The following ONECUT1 variants were observed in gnomAD, a reference collection of about 807,000 sequenced individuals.
The protein encoded by ONECUT1 is one cut homeobox 1.
Under a neutral mutation model 25.6 loss-of-function variants are expected in ONECUT1, and 12 were observed. The observed-to-expected ratio is 0.47, with a 90% confidence interval of 0.30 to 0.76. ONECUT1 has a LOEUF of 0.76. ONECUT1 is among the 30% of genes least tolerant of loss of function. ONECUT1 has a pLI of 0.07. For missense variants in ONECUT1, 620 were observed against 651.2 expected (o/e 0.95, Z 0.52); for synonymous variants, 285 against 270.2 (o/e 1.05, Z -0.54).
intron 1 of ONECUT1, among the ~76,000 whole-genome samples, chr15:52,770,998 G>GTTC (rs1439672274): frequency 6.6e-6 from 1 of 152,098 alleles, no homozygotes; most frequent in African/African-American, 2.4e-5. Context: ...TGGAACAACT[G>GTTC]TTCTGAAAGA....
chr15:52,771,317 G>A (rs1184810241), intron 1 of ONECUT1, among the ~76,000 whole-genome samples: 2 of 151,882 alleles, frequency 1.3e-5, no homozygotes, highest in Non-Finnish European at 1.5e-5. Flanking sequence ...TAGCCATTAA[G>A]AATGATGATG....
At position 52,785,037 on chromosome 15, in the gene ONECUT1, C is replaced by T. The variant is rs150708904; in HGVS notation, c.1105+3743G>A. Among the ~76,000 whole-genome samples, 408 of 152,332 alleles carry T rather than the reference C, an allele frequency of 2.7e-3. 3 individuals carry two copies. The highest frequency in any genetic ancestry group is 9.1e-3 in the African/African-American group (377 of 41,590). On this transcript the variant is annotated intron_variant, in intron 1 of 1. Transcript: ENST00000305901. ...GAAACCGCTGCGCTTGACTCCTTCTCCCCCAACTCTTGGACCCAGGAACGC... is the reference window on the plus strand; with the variant it reads ...GAAACCGCTGCGCTTGACTCCTTCTTCCCCAACTCTTGGACCCAGGAACGC...
At chr15:52,786,635 G>A (rs1228444366) in intron 1 of ONECUT1, among the ~76,000 whole-genome samples, 1 of 152,264 alleles carries the variant, frequency 6.6e-6, no homozygotes, top group Non-Finnish European at 1.5e-5. Context: ...CCAGCACTCA[G>A]GCTCCCTCCC....
At chr15:52,759,413 G>A (rs1262007148) in intron 1 of ONECUT1, among the ~76,000 whole-genome samples, 1 of 152,182 alleles carries the variant, frequency 6.6e-6, no homozygotes, top group African/African-American at 2.4e-5. Flanking sequence ...CAGCTGCAGA[G>A]CTCATAGGAT....
chr15:52,782,379 C>T (rs911664029), intron 1 of ONECUT1, among the ~76,000 whole-genome samples: 6 of 152,094 alleles, frequency 3.9e-5, no homozygotes, highest in South Asian at 2.1e-4. Flanking sequence ...AATTAAACTT[C>T]GTTAGTATTA....
chr15:52,769,229 A>G (rs1267851273), intron 1 of ONECUT1, among the ~76,000 whole-genome samples: 2 of 152,174 alleles, frequency 1.3e-5, no homozygotes, highest in African/African-American at 4.8e-5. Flanking sequence ...TCCCCACAGT[A>G]TAATTAGTTA....
chr15:52,772,782 C>T lies in ONECUT1; in HGVS notation c.1106-14935G>A, dbSNP rs576129832. ...TTTTGTTTTAATTTCTGCAGCTCCA[C>T]ACCCATGCTGTGACAGGAACCCTAT... On this transcript the variant is annotated intron_variant, in intron 1 of 1. Transcript: ENST00000305901. Among the ~76,000 whole-genome samples the T allele has an allele frequency of 5.9e-5, 9 of 152,326 alleles. No individual in the cohort carries two copies. In the East Asian group the frequency reaches 1.7e-3, roughly 29 times the overall value.
Position 52,789,832 on chromosome 15 carries a change from T to A in ONECUT1, c.53A>T (p.His18Leu), listed in dbSNP as rs1310287726. 6.5e-7 allele frequency: 1 copy of A among 1,540,952 alleles called. No homozygotes were observed. Among genetic ancestry groups the A allele is most frequent in the Non-Finnish European group, 8.7e-7 (1 of 1,155,294 alleles). ...EAIGELHGVSHEPVPAPADLL... is the reference protein window; with the variant it reads ...EAIGELHGVSLEPVPAPADLL... The stretch of plus-strand genomic sequence containing the variant: ...GTCGGCAGGGGCGGGCACCGGCTCA[T>A]GGCTCACCCCGTGCAGCTCGCCGAT... Residue 18 changes from histidine (H) to leucine (L), a missense_variant, in exon 1 of 2, where the codon CAT becomes CTT. By Grantham distance (99) the His-to-Leu change is moderately conservative. This residue lies in a region of ONECUT1 where 440 missense variants were observed against 404.9 expected (regional missense o/e 1.09). Coordinates refer to ENST00000305901, the MANE Select transcript of ONECUT1 (RefSeq NM_004498.4). The surrounding 1 kb of genome is among the most constrained non-coding windows in gnomAD (Gnocchi z 4.1).
At position 52,757,863 on chromosome 15, in the gene ONECUT1, G is replaced by T. The variant is rs555602889; in HGVS notation, c.1106-16C>A. On this transcript the variant is annotated splice_polypyrimidine_tract_variant and intron_variant, in intron 1 of 1. Transcript: ENST00000305901. The stretch of plus-strand genomic sequence containing the variant: ...CTTTTGCATGCTGTGAAGAAACACA[G>T]AAGATGTTAGAACAAATGGTCTAGG... The T allele has an allele frequency of 2.6e-5, 41 of 1,607,832 alleles. 1 individual carries two copies. The African/African-American group carries it at 5.4e-4, about 21-fold the overall frequency.
At position 52,789,231 on chromosome 15, in the gene ONECUT1, G is replaced by A. The variant is rs2083899214; in HGVS notation, c.654C>T (p.Phe218=). The change falls in exon 1 of 2, where the codon TTC becomes TTT. Residue 218 remains phenylalanine, a synonymous_variant. Transcript: ENST00000305901. This position sits in a 1 kb window ranked among gnomAD's most constrained non-coding sequence, Gnocchi z 4.1. Reference sequence around the variant, plus strand: ...CGAGCATGGCCGGGTGGTGGGCTTCGAAGCCGTTGGGGGTGAGCATCTTGT... The same window carrying A: ...CGAGCATGGCCGGGTGGTGGGCTTCAAAGCCGTTGGGGGTGAGCATCTTGT... The part of the protein sequence containing the change: ...PTDKMLTPNG[F]EAHHPAMLGR... The A allele has an allele frequency of 1.3e-6, 2 of 1,557,936 alleles. No individual in the cohort carries two copies. The highest frequency in any genetic ancestry group is 1.7e-6 in the Non-Finnish European group (2 of 1,153,978).
chr15:52,757,714 T>A lies in ONECUT1; in HGVS notation c.1239A>T (p.Glu413Asp). ...GCTGCTGGGAAATGGTGATTTGCAA[T>A]TCTTTGGATGGACGCTTATTTTCCT... ...IFKENKRPSK[E>D]LQITISQQLG... Residue 413 changes from glutamate to aspartate, a missense_variant, in exon 2 of 2, where the codon GAA (glutamate) becomes GAT (aspartate). Physicochemically the swap from Glu to Asp is conservative, Grantham distance 45. Coordinates refer to ENST00000305901, the MANE Select transcript of ONECUT1 (RefSeq NM_004498.4). 2.5e-6 allele frequency: 4 copies of A among 1,614,156 alleles called. No homozygotes were observed. The highest frequency in any genetic ancestry group is 3.4e-6 in the Non-Finnish European group (4 of 1,180,018).
chr15:52,772,095 GA>G (rs965088244), intron 1 of ONECUT1, among the ~76,000 whole-genome samples: 5 of 152,004 alleles, frequency 3.3e-5, no homozygotes, highest in East Asian at 3.9e-4. Context: ...CCTGGCAGAG[GA>G]AAAAAAAGCG....
At chr15:52,757,965 C>G in intron 1 of ONECUT1, 118 bp from the exon 2 acceptor site, 5 of 1,109,544 alleles carry the variant, frequency 4.5e-6, no homozygotes, top group Non-Finnish European at 6.5e-6. Flanking sequence ...GTTTGCTGAC[C>G]TCTGCTTTAA....
Position 52,789,898 on chromosome 15 carries a change from A to G in ONECUT1, c.-14T>C, listed in dbSNP as rs948169767. ...CTGCGCGTTCATCGTGATCCGGGCG[A>G]GCAGGCGGCGGACACAACATCGATG... On this transcript the variant is annotated 5_prime_UTR_variant, in exon 1 of 2. Transcript: ENST00000305901. The surrounding 1 kb of genome is among the most constrained non-coding windows in gnomAD (Gnocchi z 4.1). 2.6e-6 allele frequency: 4 copies of G among 1,519,614 alleles called. No homozygotes were observed. The African/African-American group carries it at 4.3e-5, about 16-fold the overall frequency. 94.1% of individuals were successfully genotyped at this position (1,519,614 alleles called of 1,614,324 possible).
intron 1 of ONECUT1, among the ~76,000 whole-genome samples, chr15:52,758,513 A>C (rs564869171): frequency 2.0e-5 from 3 of 152,248 alleles, no homozygotes; most frequent in Admixed American, 6.5e-5. Context: ...GGAACCGGGA[A>C]CTGTGGAGGT....
Position 52,755,752 on chromosome 15 carries a change from A to C in ONECUT1, c.*1803T>G, listed in dbSNP as rs1307577250. Among the ~76,000 whole-genome samples the C allele has an allele frequency of 6.6e-6, 1 of 152,168 alleles. No homozygotes were observed. The highest frequency in any genetic ancestry group is 2.4e-5 in the African/African-American group (1 of 41,442). ...TAGTTCTAAGTAGGGGTGGTAATTA[A>C]CTTACAGTATCCAATTCTTTACCTA... On this transcript the variant is annotated 3_prime_UTR_variant, in exon 2 of 2. Transcript: ENST00000305901.
At chr15:52,782,902 C>G (rs16965169) in intron 1 of ONECUT1, among the ~76,000 whole-genome samples, 2,920 of 152,280 alleles carry the variant, frequency 0.019, 121 homozygotes, top group African/African-American at 0.067. Context: ...AGCTGAGGAG[C>G]AGGATATTGG....
chr15:52,779,144 T>C (rs185125904), intron 1 of ONECUT1, among the ~76,000 whole-genome samples: 40 of 152,282 alleles, frequency 2.6e-4, no homozygotes, highest in Admixed American at 2.4e-3. Flanking sequence ...AGTGCAGTGG[T>C]GTGATCTAGG....
chr15:52,764,028 T>C (rs2083720577), intron 1 of ONECUT1, among the ~76,000 whole-genome samples: 1 of 152,214 alleles, frequency 6.6e-6, no homozygotes, highest in Non-Finnish European at 1.5e-5. Context: ...TAGTATATAG[T>C]AACATCTTAG....
Sources: allele counts gnomAD v4.1 joint callset (sites outside exome capture counted in the v4.1 genomes callset), GRCh38; gene constraint gnomAD v4.1.1; regional missense constraint gnomAD v4.1.1; non-coding constraint Gnocchi (gnomAD v3.1); transcripts MANE v1.5; gene names NCBI Gene and HGNC (gene_info 2026-07-23, HGNC 2026-07-21).